Variants in DAB2IP observed in about 807,000 individuals in gnomAD.
DAB2IP encodes the protein DAB2 interacting protein, also known as disabled homolog 2-interacting protein.
In DAB2IP, 28 loss-of-function variants were observed where a neutral mutation model predicts 107.2. The ratio of observed to expected loss-of-function variants is 0.26; its 90% CI spans 0.19 to 0.36. DAB2IP has a LOEUF of 0.36. Ranked by LOEUF, DAB2IP falls within the 10% of genes least tolerant of loss-of-function variation. The pLI is 1.00. For missense variants in DAB2IP, 1,400 were observed against 1,644.7 expected (o/e 0.85, Z 2.57); for synonymous variants, 755 against 706.4 (o/e 1.07, Z -1.09).
At chr9:121,616,844 A>C (rs1831296786) in intron 1 of DAB2IP, among the ~76,000 whole-genome samples, 1 of 152,210 alleles carries the variant, frequency 6.6e-6, no homozygotes, top group South Asian at 2.1e-4. Context: ...AGCGGCTCCC[A>C]GTTGGCTTGA....
intron 1 of DAB2IP, among the ~76,000 whole-genome samples, chr9:121,668,005 C>G (rs927324036): frequency 4.6e-5 from 7 of 152,160 alleles, no homozygotes; most frequent in African/African-American, 1.7e-4. Flanking sequence ...CCAGAAACCC[C>G]TGATAAACCC....
Position 121,651,766 on chromosome 9 carries a change from G to GGGCGGCAGCATGTCCGCGGGCGGC in DAB2IP, c.-9_15dup. The stretch of plus-strand genomic sequence containing the variant: ...GCCCAGGCCCGGCCCGGTGCCCGGC[G>GGGCGGCAGCATGTCCGCGGGCGGC]GGCGGCAGCATGTCCGCGGGCGGCA... On this transcript the variant is annotated 5_prime_UTR_variant, in exon 1 of 16. The change creates a new upstream start codon in the 5' untranslated region. Transcript: ENST00000408936. The surrounding 1 kb of genome is among the most constrained non-coding windows in gnomAD (Gnocchi z 5.1). 7.4e-7 allele frequency: 1 copy of GGGCGGCAGCATGTCCGCGGGCGGC among 1,347,550 alleles called. No individual in the cohort carries two copies. The highest frequency in any genetic ancestry group is 1.8e-5 in the South Asian group (1 of 55,630). 83.5% of individuals were successfully genotyped at this position (1,347,550 alleles called of 1,614,324 possible).
chr9:121,738,207 G>A (rs973775184), intron 3 of DAB2IP, among the ~76,000 whole-genome samples: 1 of 152,176 alleles, frequency 6.6e-6, no homozygotes, highest in Admixed American at 6.5e-5. Flanking sequence ...CTTGACCCTA[G>A]GCTGCAGGGC....
At chr9:121,628,369 G>A (rs1831747304) in intron 1 of DAB2IP, among the ~76,000 whole-genome samples, 1 of 152,236 alleles carries the variant, frequency 6.6e-6, no homozygotes, top group African/African-American at 2.4e-5. Context: ...CCTCTGGGTG[G>A]AAGATTGGCA....
chr9:121,656,398 TG>T lies in DAB2IP; in HGVS notation c.124+4506del, dbSNP rs34227592. On this transcript the variant is annotated intron_variant, in intron 1 of 15. Transcript: ENST00000408936. The stretch of plus-strand genomic sequence containing the variant: ...GGCGAGCCTGAGAACAGCCCTGAGG[TG>T]GGGGGGTTTTGTGGTTCCCCAGTTT... Among the ~76,000 whole-genome samples the T allele has an allele frequency of 7.9e-5, 12 of 152,200 alleles. No homozygotes were observed. In the South Asian group the frequency reaches 2.1e-3, roughly 26 times the overall value.
chr9:121,709,101 G>A (rs1001404565), intron 3 of DAB2IP, among the ~76,000 whole-genome samples: 11 of 152,298 alleles, frequency 7.2e-5, no homozygotes, highest in Admixed American at 2.6e-4. Context: ...CTGGTCCAAG[G>A]CCCAGCTCCA....
At chr9:121,781,921 C>A (rs1381433560) in intron 15 of DAB2IP, among the ~76,000 whole-genome samples, 1 of 152,116 alleles carries the variant, frequency 6.6e-6, no homozygotes, top group African/African-American at 2.4e-5. Flanking sequence ...TGAGGGGAGA[C>A]GTGAAAGGCT....
chr9:121,700,791 A>C (rs986051253), intron 3 of DAB2IP, among the ~76,000 whole-genome samples: 4 of 152,084 alleles, frequency 2.6e-5, no homozygotes, highest in African/African-American at 9.7e-5. Context: ...CACTGCCTGC[A>C]GCTGGTTTCC....
chr9:121,720,022 T>G (rs191195449), intron 3 of DAB2IP, among the ~76,000 whole-genome samples: 1 of 152,270 alleles, frequency 6.6e-6, no homozygotes, highest in East Asian at 1.9e-4. Context: ...TGAACCAGAT[T>G]GTTCACCAAG....
At chr9:121,700,016 C>A (rs1043831464) in intron 3 of DAB2IP, among the ~76,000 whole-genome samples, 2 of 152,240 alleles carry the variant, frequency 1.3e-5, no homozygotes, top group African/African-American at 4.8e-5. Flanking sequence ...GGGGCTGGCG[C>A]TAGCAGAGCG....
chr9:121,766,455 G>A (rs1161417476), intron 8 of DAB2IP, 39 bp from the exon 9 acceptor site: 4 of 1,581,578 alleles, frequency 2.5e-6, no homozygotes, highest in Non-Finnish European at 3.4e-6. Context: ...CTGGGCCCCT[G>A]CCTGACAGCC....
chr9:121,600,750 T>G (rs73661790), intron 1 of DAB2IP, among the ~76,000 whole-genome samples: 3,863 of 152,306 alleles, frequency 0.025, 71 homozygotes, highest in African/African-American at 0.047. Flanking sequence ...GGTTCCAACA[T>G]CAGCCCCTGC....
At position 121,759,014 on chromosome 9, in the gene DAB2IP, T is replaced by C; in HGVS notation, c.615+18T>C. On this transcript the variant is annotated intron_variant, in intron 5 of 15. Transcript: ENST00000408936. The stretch of plus-strand genomic sequence containing the variant: ...CCAACAAGGTAAGCCTGCGCCCCTC[T>C]CACCAAAGCATGGGGGATTGAAGGT... 5 of 1,601,582 alleles carry C rather than the reference T, an allele frequency of 3.1e-6. No individual in the cohort carries two copies. Among genetic ancestry groups the C allele is most frequent in the Non-Finnish European group, 3.4e-6 (4 of 1,173,706 alleles).
chr9:121,704,592 A>T (rs1198220667), intron 3 of DAB2IP, among the ~76,000 whole-genome samples: 1 of 152,180 alleles, frequency 6.6e-6, no homozygotes, highest in Non-Finnish European at 1.5e-5. Flanking sequence ...TACACGTTAA[A>T]TGAGCCTCTG....
At chr9:121,576,983 C>A (rs889801122) in intron 1 of DAB2IP, among the ~76,000 whole-genome samples, 1 of 152,196 alleles carries the variant, frequency 6.6e-6, no homozygotes, top group African/African-American at 2.4e-5. Context: ...CCTGTCACCT[C>A]CCCCAGGAAG....
chr9:121,751,827 C>G (rs1003462012), intron 3 of DAB2IP: 1 of 634,918 alleles, frequency 1.6e-6, no homozygotes, highest in Non-Finnish European at 2.0e-6. Flanking sequence ...CTCCCATTCC[C>G]CTCTGCCCTC....
intron 2 of DAB2IP, among the ~76,000 whole-genome samples, chr9:121,681,177 C>T (rs1828582175): frequency 6.6e-6 from 1 of 152,104 alleles, no homozygotes; most frequent in South Asian, 2.1e-4. Context: ...AGTGGCGGAA[C>T]CAAGATTCGA....
At chr9:121,773,354 C>T in exon 12 of DAB2IP, 1 of 1,589,118 alleles carries the variant, frequency 6.3e-7, no homozygotes, top group Non-Finnish European at 8.6e-7. Context: ...TGCTGAGCAC[C>T]CTGCAGTACC....
chr9:121,768,586 T>C, exon 10 of DAB2IP: 1 of 1,614,098 alleles, frequency 6.2e-7, no homozygotes, highest in Non-Finnish European at 8.5e-7. Context: ...CCGCGAGCTC[T>C]CCAGCCTGCA....
Sources: allele counts gnomAD v4.1 joint callset (sites outside exome capture counted in the v4.1 genomes callset), GRCh38; gene constraint gnomAD v4.1.1; non-coding constraint Gnocchi (gnomAD v3.1); transcripts MANE v1.5; gene names NCBI Gene and HGNC (gene_info 2026-07-23, HGNC 2026-07-21).